NALF1: variants seen among roughly 807,000 people sequenced by gnomAD.
The protein encoded by NALF1 is NALCN channel auxiliary factor 1.
Under a neutral mutation model 48.4 loss-of-function variants are expected in NALF1, and 3 were observed. The observed-to-expected ratio is 0.06, with a 90% CI of 0.03 to 0.16. NALF1 has a LOEUF of 0.16. Ranked by LOEUF, NALF1 falls within the 10% of genes least tolerant of loss-of-function variation. The pLI is 1.00. For missense variants in NALF1, 526 were observed against 571.5 expected, an observed-to-expected ratio of 0.92 and a Z score of 0.81; for synonymous variants, 262 against 245.7, an observed-to-expected ratio of 1.07 and a Z score of -0.62.
At chr13:107,834,584 T>C (rs933255530) in intron 1 of NALF1, among the ~76,000 whole-genome samples, 7 of 152,210 alleles carry the variant, frequency 4.6e-5, no homozygotes, top group African/African-American at 2.4e-5. Context: ...CTGAATCTCA[T>C]GTCTAAATGT....
At chr13:107,246,080 A>C (rs768516795) in intron 1 of NALF1, among the ~76,000 whole-genome samples, 24 of 152,124 alleles carry the variant, frequency 1.6e-4, no homozygotes, top group Non-Finnish European at 2.9e-4. Context: ...CATTCTGCAC[A>C]ATGAGGTTCC....
At chr13:107,648,025 T>C (rs1880355323) in intron 1 of NALF1, among the ~76,000 whole-genome samples, 2 of 152,148 alleles carry the variant, frequency 1.3e-5, no homozygotes. Flanking sequence ...AAACAAGTAG[T>C]ATTGTTTTTT....
rs1476758118 is a variant in NALF1 at position 107,476,574 on chromosome 13, A to G, written c.916-265819T>C. 5.9e-5 allele frequency among the ~76,000 whole-genome samples: 9 copies of G among 152,278 alleles called. No homozygotes were observed. The East Asian group carries it at 1.7e-3, about 29-fold the overall frequency. The stretch of plus-strand genomic sequence containing the variant: ...AGAACTCTATTATTTTGATACCTGA[A>G]CAGTATCAAACCATCCAAAACATTT... On this transcript the variant is annotated intron_variant, in intron 1 of 2. Coordinates refer to ENST00000375915, the MANE Select transcript of NALF1 (RefSeq NM_001080396.3).
intron 1 of NALF1, among the ~76,000 whole-genome samples, chr13:107,332,503 A>G (rs955161024): frequency 2.0e-5 from 3 of 152,240 alleles, no homozygotes; most frequent in Admixed American, 2.0e-4. Context: ...AGTGGAATAC[A>G]GACCCAGTCT....
At chr13:107,500,782 T>C (rs1416929220) in intron 1 of NALF1, among the ~76,000 whole-genome samples, 1 of 151,692 alleles carries the variant, frequency 6.6e-6, no homozygotes, top group Admixed American at 6.6e-5. Flanking sequence ...CCATAAAAAA[T>C]GATGAGTTCA....
intron 1 of NALF1, among the ~76,000 whole-genome samples, chr13:107,449,729 C>T (rs1377161041): frequency 6.6e-6 from 1 of 152,084 alleles, no homozygotes; most frequent in African/African-American, 2.4e-5. Flanking sequence ...TAATAATAGC[C>T]AATTTTCGCA....
intron 1 of NALF1, among the ~76,000 whole-genome samples, chr13:107,538,389 T>C (rs1210626189): frequency 6.6e-6 from 1 of 152,158 alleles, no homozygotes; most frequent in East Asian, 1.9e-4. Context: ...AACATTTCCA[T>C]TTGCAAAGAT....
chr13:107,375,264 C>T (rs1158341806), intron 1 of NALF1, among the ~76,000 whole-genome samples: 1 of 152,180 alleles, frequency 6.6e-6, no homozygotes, highest in Non-Finnish European at 1.5e-5. Context: ...TCAAAATCAA[C>T]AATTCTTTCC....
intron 1 of NALF1, among the ~76,000 whole-genome samples, chr13:107,259,012 T>C (rs1251278472): frequency 1.3e-5 from 2 of 152,118 alleles, no homozygotes; most frequent in African/African-American, 2.4e-5. Context: ...ATATACCATG[T>C]ATATGACTCA....
At chr13:107,406,847 G>A (rs2138996985) in intron 1 of NALF1, among the ~76,000 whole-genome samples, 1 of 151,862 alleles carries the variant, frequency 6.6e-6, no homozygotes, top group African/African-American at 2.4e-5. Context: ...GGGAGAAATT[G>A]TATTACCTGA....
chr13:107,458,431 T>C (rs1198711111), intron 1 of NALF1, among the ~76,000 whole-genome samples: 2 of 152,188 alleles, frequency 1.3e-5, no homozygotes, highest in African/African-American at 4.8e-5. Flanking sequence ...AGGGGCCGCC[T>C]GACATGGTAA....
At chr13:107,185,403 CCTCT>C (rs142301895) in intron 2 of NALF1, among the ~76,000 whole-genome samples, 1 of 135,506 alleles carries the variant, frequency 7.4e-6, no homozygotes, top group African/African-American at 2.7e-5. Context: ...TCCCTGCATG[CCTCT>C]CTCTCTCTCT....
In NALF1 at chr13:107,170,656, C is replaced by T. The variant is rs141003262; in HGVS notation, c.1218G>A (p.Val406=). 1.5e-5 allele frequency: 25 copies of T among 1,614,096 alleles called. 1 individual carries two copies. In the African/African-American group the frequency reaches 2.8e-4, roughly 18 times the overall value. Residue 406 remains valine, a synonymous_variant, in exon 3 of 3, where the codon GTG becomes GTA. Transcript: ENST00000375915. ...SGSCHRTSLT[V]SSATRLCNSR... is the part of the protein sequence containing the mutation. ...TGTTGCACAGTCTTGTTGCTGATGA[C>T]ACTGTGAGCGATGTCCTGTGACAGG... is the stretch of plus-strand genomic sequence containing the variant.
chr13:107,213,421 G>A (rs1379070784), intron 1 of NALF1, among the ~76,000 whole-genome samples: 2 of 152,050 alleles, frequency 1.3e-5, no homozygotes, highest in African/African-American at 2.4e-5. Context: ...GGTGGCATCC[G>A]TTATGAGCTA....
intron 1 of NALF1, among the ~76,000 whole-genome samples, chr13:107,843,047 T>C (rs971903148): frequency 6.6e-6 from 1 of 152,202 alleles, no homozygotes; most frequent in African/African-American, 2.4e-5. Flanking sequence ...GCCTAGGCAG[T>C]AGAAATACAT....
At chr13:107,205,550 A>G (rs777203462) in intron 2 of NALF1, among the ~76,000 whole-genome samples, 9 of 152,148 alleles carry the variant, frequency 5.9e-5, no homozygotes, top group Non-Finnish European at 8.8e-5. Context: ...GTAAGGAACA[A>G]CAGCAGCCCA....
At chr13:107,505,435 C>T (rs1180692711) in intron 1 of NALF1, among the ~76,000 whole-genome samples, 1 of 152,104 alleles carries the variant, frequency 6.6e-6, no homozygotes, top group Non-Finnish European at 1.5e-5. Context: ...TCTCCAGCTG[C>T]TGTGTCGGAA....
intron 1 of NALF1, among the ~76,000 whole-genome samples, chr13:107,221,389 C>A (rs1291540168): frequency 1.3e-5 from 2 of 152,072 alleles, no homozygotes; most frequent in African/African-American, 4.8e-5. Context: ...ACCAGCCTGG[C>A]CAACCTGGCA....
At chr13:107,283,690 C>T (rs914587829) in intron 1 of NALF1, among the ~76,000 whole-genome samples, 7 of 151,552 alleles carry the variant, frequency 4.6e-5, no homozygotes, top group African/African-American at 1.7e-4. Context: ...GACAGAGTCT[C>T]GCTCTGTTGC....
Sources: gnomAD v4.1 joint callset for allele counts (sites outside exome capture counted in the v4.1 genomes callset) on GRCh38, gnomAD v4.1.1 for gene constraint, MANE v1.5 for transcripts, NCBI Gene and HGNC (gene_info 2026-07-23, HGNC 2026-07-21) for gene names.